Variants in CD44 observed in about 807,000 individuals in gnomAD.
CD44 encodes the protein CD44 molecule (IN blood group), also known as CD44 antigen.
A neutral mutation model predicts 88.8 loss-of-function variants in CD44; 49 were observed. The observed-to-expected ratio is 0.55, with a 90% CI of 0.44 to 0.70. The LOEUF (loss-of-function observed/expected upper bound fraction) is 0.70. Among genes scored for constraint, CD44 ranks in the 30% least tolerant of loss-of-function variants. The probability of loss-of-function intolerance (pLI) is 0.00; values close to 1 mark genes in which losing one functional copy is unlikely to be tolerated. For synonymous variants in CD44, 325 were observed against 312.3 expected (o/e 1.04, Z -0.43); for missense variants, 883 against 913.8 (o/e 0.97, Z 0.43).
chr11:35,181,970 A>ATTAT (rs1565081481), intron 3 of CD44, among the ~76,000 whole-genome samples: 2 of 88,744 alleles, frequency 2.3e-5, no homozygotes, highest in Non-Finnish European at 4.3e-5. Context: ...TATATATATA[A>ATTAT]ATATTATATA....
Position 35,167,025 on chromosome 11 carries a change from C to T in CD44, c.68-9550C>T, listed in dbSNP as rs78814637. ...GTGCCAGCCTTCTAGACTGGCAGGC[C>T]TGGGGGGCAGCAGAGGGCACAATAG... On this transcript the variant is annotated intron_variant, in intron 1 of 17. Coordinates refer to ENST00000428726, the MANE Select transcript of CD44 (RefSeq NM_000610.4). 3.6e-3 allele frequency among the ~76,000 whole-genome samples: 544 copies of T among 152,284 alleles called. 28 individuals carry two copies. The East Asian group carries it at 0.094, about 26-fold the overall frequency.
chr11:35,214,269 C>A (rs761537899), intron 14 of CD44, among the ~76,000 whole-genome samples: 1 of 152,138 alleles, frequency 6.6e-6, no homozygotes, highest in Non-Finnish European at 1.5e-5. Context: ...TATCATCTCA[C>A]CATTTCCTTT....
intron 1 of CD44, among the ~76,000 whole-genome samples, chr11:35,175,650 T>C (rs1387049691): frequency 6.6e-6 from 1 of 152,244 alleles, no homozygotes; most frequent in Non-Finnish European, 1.5e-5. Flanking sequence ...GTAAGTTTTC[T>C]GTAAGTTTGT....
chr11:35,147,616 CT>C (rs34823633), intron 1 of CD44, among the ~76,000 whole-genome samples: 42 of 147,208 alleles, frequency 2.9e-4, no homozygotes, highest in Non-Finnish European at 2.4e-4. Context: ...CTTCCCCCAA[CT>C]TTTTTTTTTT....
In CD44 at chr11:35,172,052, T is replaced by A. The variant is rs191098858; in HGVS notation, c.68-4523T>A. ...GGCTACCTTTCTGAAAACACTCTCA[T>A]AATTAGCAGATGTTATCGTTCTTTG... is the stretch of plus-strand genomic sequence containing the variant. On this transcript the variant is annotated intron_variant, in intron 1 of 17. Coordinates refer to ENST00000428726, the MANE Select transcript of CD44 (RefSeq NM_000610.4). Among the ~76,000 whole-genome samples, 2 of 152,130 alleles carry A rather than the reference T, an allele frequency of 1.3e-5. 1 individual carries two copies. The highest frequency in any genetic ancestry group is 3.9e-4 in the East Asian group (2 of 5,190).
chr11:35,229,354 A>G lies in CD44; in HGVS notation c.*21A>G. ...TGTAACACCTACACCATTATCTTGG[A>G]AAGAAACAACCGTTGGAAACATAAC... On this transcript the variant is annotated 3_prime_UTR_variant, in exon 18 of 18. Coordinates refer to ENST00000428726, the MANE Select transcript of CD44 (RefSeq NM_000610.4). The G allele has an allele frequency of 1.3e-6, 2 of 1,513,116 alleles. No individual in the cohort carries two copies. Among genetic ancestry groups the G allele is most frequent in the East Asian group, 2.3e-5 (1 of 44,130 alleles). The allele number at this position is 1,513,116 out of a possible 1,614,324, so 93.7% of individuals were successfully genotyped here.
intron 3 of CD44, among the ~76,000 whole-genome samples, chr11:35,184,197 G>T (rs1036052625): frequency 3.3e-5 from 5 of 152,162 alleles, no homozygotes; most frequent in African/African-American, 1.2e-4. Flanking sequence ...GCACATTTGG[G>T]TCAATCCACT....
intron 1 of CD44, among the ~76,000 whole-genome samples, chr11:35,173,780 C>T (rs1161312036): frequency 6.6e-6 from 1 of 152,180 alleles, no homozygotes; most frequent in African/African-American, 2.4e-5. Context: ...GTTGCCCATA[C>T]AATTCAATAA....
At chr11:35,144,263 C>A (rs114609698) in intron 1 of CD44, among the ~76,000 whole-genome samples, 2,048 of 152,278 alleles carry the variant, frequency 0.013, 56 homozygotes, top group African/African-American at 0.047. Flanking sequence ...GGCACCTTCG[C>A]TTTAGGTCAC....
Position 35,204,596 on chromosome 11 carries a change from G to T in CD44, c.1238G>T (p.Arg413Leu), listed in dbSNP as rs190041845. ...WFGNRWHEGYRQTPKEDSHST... is the reference protein window; with the variant it reads ...WFGNRWHEGYLQTPKEDSHST... ...GGCAACAGATGGCATGAGGGATATC[G>T]CCAAACACCCAAAGAAGACTCCCAT... Residue 413 changes from arginine (R) to leucine (L), a missense_variant, in exon 10 of 18, where the codon CGC becomes CTC. Around this residue, in one of 2 missense-constraint regions of CD44, gnomAD observed 631 missense variants for 590.9 expected, o/e 1.07. Coordinates refer to ENST00000428726, the MANE Select transcript of CD44 (RefSeq NM_000610.4). The T allele has an allele frequency of 7.4e-6, 12 of 1,613,028 alleles. No individual in the cohort carries two copies. The highest frequency in any genetic ancestry group is 6.7e-5 in the Admixed American group (4 of 59,978).
chr11:35,149,273 C>T (rs74451406), intron 1 of CD44, among the ~76,000 whole-genome samples: 10,589 of 152,208 alleles, frequency 0.07, 438 homozygotes, highest in Non-Finnish European at 0.09. Context: ...ACCTCCCAGA[C>T]TAAAAATCAC....
intron 7 of CD44, among the ~76,000 whole-genome samples, chr11:35,198,714 C>G (rs184526219): frequency 6.6e-6 from 1 of 152,194 alleles, no homozygotes; most frequent in East Asian, 1.9e-4. Flanking sequence ...CGTGGTGGCT[C>G]ACACCTGTAA....
At chr11:35,214,237 A>C (rs552894109) in intron 14 of CD44, among the ~76,000 whole-genome samples, 1 of 152,178 alleles carries the variant, frequency 6.6e-6, no homozygotes, top group Non-Finnish European at 1.5e-5. Context: ...CCCATATTCC[A>C]ATACACATTA....
intron 8 of CD44, 108 bp downstream of exon 8, chr11:35,201,303 A>T (rs1190061996): frequency 2.5e-6 from 2 of 796,860 alleles, no homozygotes; most frequent in Admixed American, 4.1e-5. Flanking sequence ...ATATCTGATC[A>T]AGAAATTCTT....
At chr11:35,183,182 T>C (rs1431813342) in intron 3 of CD44, among the ~76,000 whole-genome samples, 1 of 152,186 alleles carries the variant, frequency 6.6e-6, no homozygotes, top group Non-Finnish European at 1.5e-5. Flanking sequence ...TCGATATTGA[T>C]GGCTACTTTT....
intron 16 of CD44, among the ~76,000 whole-genome samples, chr11:35,220,632 T>C (rs1393703742): frequency 6.6e-6 from 1 of 152,162 alleles, no homozygotes; most frequent in African/African-American, 2.4e-5. Context: ...GTGTAGAATA[T>C]TAATCCACAA....
chr11:35,164,541 G>T (rs867219020), intron 1 of CD44, among the ~76,000 whole-genome samples: 13 of 152,176 alleles, frequency 8.5e-5, no homozygotes, highest in African/African-American at 2.2e-4. Context: ...TGGTGGAATT[G>T]GTGGTGACCT....
At chr11:35,142,124 A>C (rs905888906) in intron 1 of CD44, among the ~76,000 whole-genome samples, 3 of 151,822 alleles carry the variant, frequency 2.0e-5, no homozygotes, top group African/African-American at 7.3e-5. Flanking sequence ...GGTGGAGGCC[A>C]GGGGGGATGA....
chr11:35,193,922 T>C (rs182394426), intron 5 of CD44, among the ~76,000 whole-genome samples: 242 of 152,328 alleles, frequency 1.6e-3, no homozygotes, highest in African/African-American at 5.7e-3. Flanking sequence ...AGTATGAAGT[T>C]TGACCTGAGG....
Sources: allele counts gnomAD v4.1 joint callset (sites outside exome capture counted in the v4.1 genomes callset), GRCh38; gene constraint gnomAD v4.1.1; regional missense constraint gnomAD v4.1.1; transcripts MANE v1.5; gene names NCBI Gene and HGNC (gene_info 2026-07-23, HGNC 2026-07-21).